Variants in MRC2 observed in about 807,000 individuals in gnomAD.
The protein encoded by MRC2 is mannose receptor C-type 2.
A neutral mutation model predicts 206.2 loss-of-function variants in MRC2; 84 were observed. That is an observed-to-expected ratio of 0.41 (90% confidence interval 0.34 to 0.49). The LOEUF is 0.49. Ranked by LOEUF, MRC2 falls within the 20% of genes least tolerant of loss-of-function variation. MRC2 has a pLI of 0.31. For synonymous variants in MRC2, 798 were observed against 800.0 expected, an observed-to-expected ratio of 1.00 and a Z score of 0.04; for missense variants, 1,676 against 2,001.5, an observed-to-expected ratio of 0.84 and a Z score of 3.10.
intron 1 of MRC2, among the ~76,000 whole-genome samples, chr17:62,659,998 GA>G (rs1434188299): frequency 6.6e-6 from 1 of 152,212 alleles, no homozygotes; most frequent in Non-Finnish European, 1.5e-5. Flanking sequence ...GGAGAAGACA[GA>G]AAACAAGAGT....
intron 1 of MRC2, among the ~76,000 whole-genome samples, chr17:62,654,496 T>C (rs1366073673): frequency 2.6e-5 from 4 of 152,040 alleles, no homozygotes; most frequent in Admixed American, 2.6e-4. Context: ...TCTGCCTCCT[T>C]CATCTGTGAT....
At chr17:62,636,569 C>T (rs1324531162) in intron 1 of MRC2, among the ~76,000 whole-genome samples, 3 of 150,916 alleles carry the variant, frequency 2.0e-5, no homozygotes, top group African/African-American at 4.9e-5. Context: ...CCCAGGTTCA[C>T]GCCATTCTCC....
At chr17:62,684,956 C>A (rs2089014307) in intron 20 of MRC2, among the ~76,000 whole-genome samples, 1 of 152,158 alleles carries the variant, frequency 6.6e-6, no homozygotes, top group Non-Finnish European at 1.5e-5. Context: ...ACCAGGGCAA[C>A]ATCGCAAAAC....
chr17:62,630,934 T>C (rs1286028371), intron 1 of MRC2, among the ~76,000 whole-genome samples: 1 of 152,038 alleles, frequency 6.6e-6, no homozygotes, highest in Non-Finnish European at 1.5e-5. Context: ...TGGCTCTCTG[T>C]GAGTCATCAG....
chr17:62,662,249 CA>C (rs36108581), intron 1 of MRC2, among the ~76,000 whole-genome samples: 1,224 of 118,960 alleles, frequency 0.01, 15 homozygotes, highest in African/African-American at 0.026. Context: ...GACTCTGTCT[CA>C]AAAAAAAAAA....
intron 20 of MRC2, among the ~76,000 whole-genome samples, chr17:62,685,971 C>T (rs2089026029): frequency 6.6e-6 from 1 of 152,196 alleles, no homozygotes; most frequent in African/African-American, 2.4e-5. Context: ...GCATTTATGG[C>T]AGCTGTCCCC....
In MRC2 at chr17:62,667,119, C is replaced by T. The variant is rs886232662; in HGVS notation, c.973+249C>T. Among the ~76,000 whole-genome samples, 12 of 152,066 alleles carry T rather than the reference C, an allele frequency of 7.9e-5. No homozygotes were observed. The highest frequency in any genetic ancestry group is 2.7e-4 in the African/African-American group (11 of 41,414). On this transcript the variant is annotated intron_variant, in intron 5 of 29. Coordinates refer to ENST00000303375, the MANE Select transcript of MRC2 (RefSeq NM_006039.5). This position sits in a 1 kb window ranked among gnomAD's most constrained non-coding sequence, Gnocchi z 4.1. ...CCTCTTCAGCCACCCCTGTGGGCAG[C>T]GGGCACCAGCGCACCCAGCAGCCTG...
chr17:62,628,020 T>A, intron 1 of MRC2, 100 bp downstream of exon 1: 4 of 770,056 alleles, frequency 5.2e-6, no homozygotes, highest in Non-Finnish European at 7.5e-6. Context: ...CCCTCTTTTC[T>A]CCAGAAGCGT....
At chr17:62,661,303 CTGT>C (rs1392339448) in intron 1 of MRC2, among the ~76,000 whole-genome samples, 5 of 152,136 alleles carry the variant, frequency 3.3e-5, no homozygotes, top group Non-Finnish European at 5.9e-5. Flanking sequence ...TACCTGCCTT[CTGT>C]TGTTGTTGTT....
chr17:62,650,209 AC>A (rs2088539455), intron 1 of MRC2, among the ~76,000 whole-genome samples: 1 of 152,196 alleles, frequency 6.6e-6, no homozygotes, highest in African/African-American at 2.4e-5. Flanking sequence ...TTCTTAATAG[AC>A]ACCAGGATAC....
Position 62,690,221 on chromosome 17 carries a change from T to C in MRC2, c.3808T>C (p.Trp1270Arg). 1 of 1,613,196 alleles carries C rather than the reference T, an allele frequency of 6.2e-7. No individual in the cohort carries two copies. Among genetic ancestry groups the C allele is most frequent in the South Asian group, 1.1e-5 (1 of 91,074 alleles). ...SCPQGLADSAWIPFREHCYSF... is the reference protein window; with the variant it reads ...SCPQGLADSARIPFREHCYSF... ...TCCCCAGGGACTGGCAGACTCCGCG[T>C]GGATTCCCTTCCGGGAGCACTGCTA... The change falls in exon 26 of 30, where the codon TGG becomes CGG. Residue 1270 changes from tryptophan to arginine, a missense_variant. Trp to Arg is a moderately radical substitution (Grantham distance 101). This residue lies in a region of MRC2 where 1,354 missense variants were observed against 1,636.6 expected (regional missense o/e 0.83). Coordinates refer to ENST00000303375, the MANE Select transcript of MRC2 (RefSeq NM_006039.5).
At position 62,688,570 on chromosome 17, in the gene MRC2, A is replaced by T. The variant is rs1360811359; in HGVS notation, c.3131A>T (p.Asp1044Val). The part of the protein sequence containing the change: ...LWIGLHASQR[D>V]FQWVEQEPLM... ...ATTGGCCTCCATGCCTCGCAGAGGG[A>T]CTTCCAGTGGGTGGAGCAGGAGCCT... The change falls in exon 22 of 30, where the codon GAC (aspartate) becomes GTC (valine). Residue 1044 changes from aspartate (D) to valine (V), a missense_variant. Physicochemically the swap from Asp to Val is radical, Grantham distance 152. Coordinates refer to ENST00000303375, the MANE Select transcript of MRC2 (RefSeq NM_006039.5). 3 of 1,614,024 alleles carry T rather than the reference A, an allele frequency of 1.9e-6. No individual in the cohort carries two copies. The highest frequency in any genetic ancestry group is 1.7e-6 in the Non-Finnish European group (2 of 1,180,024).
In MRC2 at chr17:62,680,600, C is replaced by A; in HGVS notation, c.2473+147C>A. ...ACGGGGTTGGCTCGGACGGAGGCAG[C>A]CACAGCCCTGTTTGCTTCCGTGTGG... On this transcript the variant is annotated intron_variant, in intron 16 of 29. Transcript: ENST00000303375. The surrounding 1 kb of genome is among the most constrained non-coding windows in gnomAD (Gnocchi z 4.8). 7.6e-7 allele frequency: 1 copy of A among 1,315,958 alleles called. No individual in the cohort carries two copies. The highest frequency in any genetic ancestry group is 1.0e-6 in the Non-Finnish European group (1 of 958,902). 81.5% of individuals were successfully genotyped at this position (1,315,958 alleles called of 1,614,324 possible).
At chr17:62,682,050 A>T (rs939050265) in intron 19 of MRC2, 113 bp downstream of exon 19, 1 of 1,160,646 alleles carries the variant, frequency 8.6e-7, no homozygotes, top group Non-Finnish European at 1.2e-6. Context: ...CCACAACCCA[A>T]TAAAGGCTAG....
chr17:62,637,616 G>A (rs146928238), intron 1 of MRC2, among the ~76,000 whole-genome samples: 1 of 151,630 alleles, frequency 6.6e-6, no homozygotes, highest in South Asian at 2.1e-4. Flanking sequence ...GCTCCTTACC[G>A]TTCCCATAGC....
intron 23 of MRC2, 121 bp from the exon 24 acceptor site, chr17:62,689,401 C>T (rs2089073461): frequency 3.0e-6 from 2 of 664,918 alleles, no homozygotes; most frequent in Non-Finnish European, 5.2e-6. Flanking sequence ...TGGTCTGGGC[C>T]AAGCGCCGAG....
At chr17:62,643,536 TA>T in intron 1 of MRC2, among the ~76,000 whole-genome samples, 1 of 152,228 alleles carries the variant, frequency 6.6e-6, no homozygotes, top group East Asian at 1.9e-4. Context: ...CTAGCTCATA[TA>T]AAACTATGAG....
intron 1 of MRC2, among the ~76,000 whole-genome samples, chr17:62,639,336 T>G (rs1435992191): frequency 9.3e-6 from 1 of 107,124 alleles, no homozygotes; most frequent in Non-Finnish European, 1.9e-5. Flanking sequence ...AGAGTGAGAC[T>G]TTGTCTTAAA....
intron 1 of MRC2, among the ~76,000 whole-genome samples, chr17:62,657,153 G>T (rs2088627914): frequency 6.6e-6 from 1 of 152,160 alleles, no homozygotes; most frequent in Non-Finnish European, 1.5e-5. Flanking sequence ...GAAGGGGATG[G>T]GAAGTTTCCT....
Sources: gnomAD v4.1 joint callset for allele counts (sites outside exome capture counted in the v4.1 genomes callset) on GRCh38, gnomAD v4.1.1 for gene constraint, gnomAD v4.1.1 regional missense constraint, Gnocchi (gnomAD v3.1) non-coding constraint, MANE v1.5 for transcripts, NCBI Gene and HGNC (gene_info 2026-07-23, HGNC 2026-07-21) for gene names.